The following PARD3B variants were observed in gnomAD, a reference collection of about 807,000 sequenced individuals.
PARD3B encodes the protein partitioning defective 3 homolog B.
In PARD3B, 103 loss-of-function variants were observed where a neutral mutation model predicts 130.2. The ratio of observed to expected loss-of-function variants is 0.79; its 90% CI spans 0.67 to 0.93. The LOEUF (loss-of-function observed/expected upper bound fraction) is 0.93. Ranked by LOEUF, PARD3B falls within the 40% of genes least tolerant of loss-of-function variation. The pLI, the probability that PARD3B is intolerant of heterozygous loss-of-function variation, is 0.00. For synonymous variants in PARD3B, 583 were observed against 553.2 expected (o/e 1.05, Z -0.76); for missense variants, 1,609 against 1,499.2 (o/e 1.07, Z -1.21).
rs548244751 is a variant in PARD3B at position 205,176,820 on chromosome 2, G to T, written c.1924+243G>T. On this transcript the variant is annotated intron_variant, in intron 13 of 22. Transcript: ENST00000406610. The surrounding 1 kb of genome is among the most constrained non-coding windows in gnomAD (Gnocchi z 5.3). ...GTGCTTGCTGCCCCAAACATGGAGG[G>T]TTATATATAAAACAAACGATCACTG... Among the ~76,000 whole-genome samples the T allele has an allele frequency of 3.5e-4, 53 of 152,062 alleles. No homozygotes were observed. Among genetic ancestry groups the T allele is most frequent in the Non-Finnish European group, 5.1e-4 (35 of 68,014 alleles).
intron 1 of PARD3B, among the ~76,000 whole-genome samples, chr2:204,594,335 A>G (rs1019369324): frequency 3.9e-5 from 6 of 152,230 alleles, no homozygotes; most frequent in African/African-American, 1.2e-4. Flanking sequence ...TTTTCCACAG[A>G]GTTTACCAAC....
At chr2:205,180,763 T>C (rs1034346691) in intron 13 of PARD3B, among the ~76,000 whole-genome samples, 1 of 152,182 alleles carries the variant, frequency 6.6e-6, no homozygotes, top group Non-Finnish European at 1.5e-5. Context: ...AACTAATGTT[T>C]ATAGAAATCG....
chr2:205,286,997 C>A (rs924443406), intron 16 of PARD3B, among the ~76,000 whole-genome samples: 15 of 152,086 alleles, frequency 9.9e-5, no homozygotes, highest in Non-Finnish European at 1.9e-4. Flanking sequence ...GTGAGCAAAC[C>A]AATGTAATAA....
At position 205,301,882 on chromosome 2, in the gene PARD3B, A is replaced by G; in HGVS notation, c.2630+181A>G. On this transcript the variant is annotated intron_variant, in intron 18 of 22. Coordinates refer to ENST00000406610, the MANE Select transcript of PARD3B (RefSeq NM_001302769.2). This position sits in a 1 kb window ranked among gnomAD's most constrained non-coding sequence, Gnocchi z 5.2. ...GCAGAGGAGCTTTTTGGGGAAAGTT[A>G]CAGTGATGACAGGACACTGTCTTAA... The G allele has an allele frequency of 1.1e-6, 1 of 902,630 alleles. No individual in the cohort carries two copies. The highest frequency in any genetic ancestry group is 1.8e-6 in the Non-Finnish European group (1 of 544,600). The allele number at this position is 902,630 out of a possible 1,614,324, so 55.9% of individuals were successfully genotyped here.
chr2:205,419,588 G>GA (rs2046896698), intron 19 of PARD3B, among the ~76,000 whole-genome samples: 1 of 152,020 alleles, frequency 6.6e-6, no homozygotes, highest in Non-Finnish European at 1.5e-5. Context: ...CAGACTGCCA[G>GA]AAAAAAACAA....
At chr2:204,568,889 A>T (rs1331432436) in intron 1 of PARD3B, among the ~76,000 whole-genome samples, 2 of 151,226 alleles carry the variant, frequency 1.3e-5, no homozygotes, top group Non-Finnish European at 2.9e-5. Context: ...TGGGAGGCAG[A>T]GGTTGCAGTG....
At chr2:205,573,413 G>T (rs1450660400) in intron 22 of PARD3B, among the ~76,000 whole-genome samples, 1 of 152,108 alleles carries the variant, frequency 6.6e-6, no homozygotes, top group Admixed American at 6.5e-5. Flanking sequence ...GTGTAAGGCT[G>T]GGTGGAAAGG....
chr2:204,725,032 T>C (rs1337053619), intron 2 of PARD3B, among the ~76,000 whole-genome samples: 1 of 152,104 alleles, frequency 6.6e-6, no homozygotes, highest in Non-Finnish European at 1.5e-5. Flanking sequence ...GACTCACTGG[T>C]GTGATAGAAA....
chr2:205,445,153 G>A (rs540307229), intron 20 of PARD3B, among the ~76,000 whole-genome samples: 4 of 152,150 alleles, frequency 2.6e-5, no homozygotes, highest in African/African-American at 9.6e-5. Context: ...AGAAACTGGG[G>A]CCCAGAGAAG....
chr2:205,436,903 G>A (rs1459488558), intron 19 of PARD3B, among the ~76,000 whole-genome samples: 1 of 151,754 alleles, frequency 6.6e-6, no homozygotes, highest in Non-Finnish European at 1.5e-5. Context: ...TCACCTCCAT[G>A]AAGTTTTTTT....
chr2:205,055,996 A>C (rs1699606271), intron 4 of PARD3B, among the ~76,000 whole-genome samples: 1 of 152,100 alleles, frequency 6.6e-6, no homozygotes, highest in Non-Finnish European at 1.5e-5. Flanking sequence ...CGTAAAGTGA[A>C]AGTTAAGGGT....
intron 4 of PARD3B, among the ~76,000 whole-genome samples, chr2:205,061,352 G>A (rs746848312): frequency 2.6e-5 from 4 of 152,052 alleles, no homozygotes; most frequent in Non-Finnish European, 5.9e-5. Flanking sequence ...ATGACTGCTT[G>A]GTTCAAAGCT....
intron 2 of PARD3B, among the ~76,000 whole-genome samples, chr2:204,719,793 C>T (rs931516429): frequency 1.3e-5 from 2 of 151,988 alleles, no homozygotes; most frequent in Non-Finnish European, 2.9e-5. Flanking sequence ...TAAATAATAC[C>T]TTTCACAGAA....
intron 3 of PARD3B, among the ~76,000 whole-genome samples, chr2:205,009,539 C>T (rs1179583835): frequency 1.3e-5 from 2 of 151,846 alleles, no homozygotes; most frequent in Admixed American, 6.6e-5. Flanking sequence ...GGCATGGTGG[C>T]GGGCGCCTGT....
At chr2:204,902,451 C>T (rs1274690171) in intron 2 of PARD3B, among the ~76,000 whole-genome samples, 1 of 152,010 alleles carries the variant, frequency 6.6e-6, no homozygotes, top group African/African-American at 2.4e-5. Flanking sequence ...GGGCGGATCA[C>T]GAGGTCAGGA....
At chr2:204,997,530 G>A (rs546703016) in intron 3 of PARD3B, among the ~76,000 whole-genome samples, 1 of 150,430 alleles carries the variant, frequency 6.6e-6, no homozygotes, top group African/African-American at 2.5e-5. Context: ...AAAATGTTTT[G>A]TTTCTGTTTG....
At position 205,300,306 on chromosome 2, in the gene PARD3B, CAT is replaced by C. The variant is rs1208062598; in HGVS notation, c.2186-221_2186-220del. Among the ~76,000 whole-genome samples the C allele has an allele frequency of 6.6e-6, 1 of 152,030 alleles. No homozygotes were observed. Among genetic ancestry groups the C allele is most frequent in the African/African-American group, 2.4e-5 (1 of 41,372 alleles). ...GCATAGAGAGAAATGTACCTATAGT[CAT>C]ATTAAATTTTATCACAGCTTTAGAA... On this transcript the variant is annotated intron_variant, in intron 16 of 22. Transcript: ENST00000406610. The surrounding 1 kb of genome is among the most constrained non-coding windows in gnomAD (Gnocchi z 4.1).
chr2:205,152,231 T>G (rs1224425125), intron 10 of PARD3B, among the ~76,000 whole-genome samples: 1 of 152,190 alleles, frequency 6.6e-6, no homozygotes, highest in Admixed American at 6.5e-5. Context: ...CTGACAGTTA[T>G]GTGTTTTGGA....
At position 204,562,660 on chromosome 2, in the gene PARD3B, T is replaced by C. The variant is rs115124967; in HGVS notation, c.120+16541T>C. Among the ~76,000 whole-genome samples the C allele has an allele frequency of 7.1e-3, 1,084 of 152,298 alleles. 16 individuals carry two copies. The highest frequency in any genetic ancestry group is 0.025 in the African/African-American group (1,030 of 41,540). On this transcript the variant is annotated intron_variant, in intron 1 of 22. Coordinates refer to ENST00000406610, the MANE Select transcript of PARD3B (RefSeq NM_001302769.2). ...ATATTAGGTCTGGATTACTTCCTTT[T>C]GTAGCAAAGAGATGAGGAAGTGTAA...
Sources: allele counts gnomAD v4.1 joint callset (sites outside exome capture counted in the v4.1 genomes callset), GRCh38; gene constraint gnomAD v4.1.1; non-coding constraint Gnocchi (gnomAD v3.1); transcripts MANE v1.5; gene names NCBI Gene and HGNC (gene_info 2026-07-23, HGNC 2026-07-21).